Variants in INPP4A observed in about 807,000 individuals in gnomAD.
The protein encoded by INPP4A is inositol polyphosphate-4-phosphatase type I A, also known as inositol polyphosphate-4-phosphatase, type I, 107kD.
INPP4A carries 33 observed loss-of-function variants against 119.8 expected under a neutral mutation model. The observed-to-expected ratio is 0.28, with a 90% CI of 0.21 to 0.37. The LOEUF is 0.37. INPP4A is among the 10% of genes least tolerant of loss of function. INPP4A has a pLI of 1.00. For missense variants in INPP4A, 956 were observed against 1,289.9 expected (o/e 0.74, Z 3.97); for synonymous variants, 496 against 500.7 (o/e 0.99, Z 0.12).
rs1446654378 is a variant in INPP4A, at chr2:98,546,737, G to C, written c.1163+43G>C. Reference sequence around the variant, plus strand: ...GTTTGTGGTCCTTGTACAGCTTTCTGATGCTTCTTTTCTCAGTTTAAAATA... The same window carrying C: ...GTTTGTGGTCCTTGTACAGCTTTCTCATGCTTCTTTTCTCAGTTTAAAATA... On this transcript the variant is annotated intron_variant, in intron 13 of 24. Coordinates refer to ENST00000409851, the MANE Select transcript of INPP4A (RefSeq NM_001134225.2). This position sits in a 1 kb window ranked among gnomAD's most constrained non-coding sequence, Gnocchi z 4.2. The C allele has an allele frequency of 8.6e-7, 1 of 1,166,174 alleles. No individual in the cohort carries two copies. The highest frequency in any genetic ancestry group is 1.8e-5 in the Admixed American group (1 of 56,052). The allele number at this position is 1,166,174 out of a possible 1,614,324, so 72.2% of individuals were successfully genotyped here. A position where few individuals can be genotyped will look rare whatever the true frequency, so the allele number is the denominator to read the frequency against.
rs1291544991 is a variant in INPP4A, at chr2:98,592,586, A to G, written c.*4978A>G. The G allele has an allele frequency of 6.6e-6, 1 of 152,248 alleles. No individual in the cohort carries two copies. Among genetic ancestry groups the G allele is most frequent in the Admixed American group, 6.5e-5 (1 of 15,284 alleles). The allele number at this position is 152,248 out of a possible 1,614,324, so 9.4% of individuals were successfully genotyped here. ...TCAGGAAGACAGAAAAAAAAGCAAAATAGCATCCTTTTCTGAGAGGTATAT... is the reference window on the plus strand; with the variant it reads ...TCAGGAAGACAGAAAAAAAAGCAAAGTAGCATCCTTTTCTGAGAGGTATAT... On this transcript the variant is annotated 3_prime_UTR_variant, in exon 25 of 25. Coordinates refer to ENST00000409851, the MANE Select transcript of INPP4A (RefSeq NM_001134225.2).
At chr2:98,544,473 A>G (rs1385178772) in intron 11 of INPP4A, among the ~76,000 whole-genome samples, 1 of 152,234 alleles carries the variant, frequency 6.6e-6, no homozygotes, top group African/African-American at 2.4e-5. Context: ...TATTAAACAT[A>G]TGAATTGTTA....
intron 24 of INPP4A, chr2:98,581,931 A>T: frequency 9.5e-7 from 1 of 1,057,864 alleles, no homozygotes; most frequent in Non-Finnish European, 1.3e-6. Context: ...CTGCCAAATT[A>T]TTTCACCAAG....
At chr2:98,473,131 G>A (rs1454989027) in intron 1 of INPP4A, among the ~76,000 whole-genome samples, 1 of 150,226 alleles carries the variant, frequency 6.7e-6, no homozygotes, top group Admixed American at 6.6e-5. Flanking sequence ...GGCAGTGTGG[G>A]TGCAGTGAAG....
chr2:98,451,030 C>A (rs1005726629), intron 1 of INPP4A, among the ~76,000 whole-genome samples: 1 of 152,206 alleles, frequency 6.6e-6, no homozygotes, highest in Non-Finnish European at 1.5e-5. Context: ...CTCTGCCCCC[C>A]AAAGTGCTGG....
intron 1 of INPP4A, among the ~76,000 whole-genome samples, chr2:98,485,412 G>T (rs990360790): frequency 6.6e-6 from 1 of 152,124 alleles, no homozygotes; most frequent in Non-Finnish European, 1.5e-5. Context: ...ATCTGTGGGG[G>T]GTGGGGTTTC....
chr2:98,544,405 G>A (rs927907709), intron 11 of INPP4A, among the ~76,000 whole-genome samples: 14 of 152,146 alleles, frequency 9.2e-5, no homozygotes, highest in African/African-American at 3.1e-4. Flanking sequence ...TAGGCCACTC[G>A]CCTTGAAACA....
At chr2:98,465,834 C>A (rs187199534) in intron 1 of INPP4A, among the ~76,000 whole-genome samples, 1 of 152,080 alleles carries the variant, frequency 6.6e-6, no homozygotes, top group African/African-American at 2.4e-5. Context: ...TTTTTCCTCC[C>A]GGCTCCACCC....
At chr2:98,575,285 G>A (rs537277733) in intron 23 of INPP4A, among the ~76,000 whole-genome samples, 5 of 152,368 alleles carry the variant, frequency 3.3e-5, no homozygotes, top group African/African-American at 1.2e-4. Context: ...GGGCAAGGAT[G>A]CATCACTGGC....
At chr2:98,445,507 ACT>A (rs1039225083) in intron 1 of INPP4A, among the ~76,000 whole-genome samples, 1 of 151,758 alleles carries the variant, frequency 6.6e-6, no homozygotes. Flanking sequence ...CATCCTCGAA[ACT>A]CTTCCATTTT....
intron 1 of INPP4A, among the ~76,000 whole-genome samples, chr2:98,497,728 G>A (rs1028968461): frequency 6.6e-6 from 1 of 152,158 alleles, no homozygotes; most frequent in Non-Finnish European, 1.5e-5. Flanking sequence ...GCTTTGCTGT[G>A]CAGAAGCTTG....
At chr2:98,507,345 A>T (rs1339971904) in intron 1 of INPP4A, among the ~76,000 whole-genome samples, 1 of 152,206 alleles carries the variant, frequency 6.6e-6, no homozygotes, top group Non-Finnish European at 1.5e-5. Context: ...TTTATGACTA[A>T]TTATGTGTTT....
At chr2:98,491,892 G>A (rs1365233725) in intron 1 of INPP4A, among the ~76,000 whole-genome samples, 1 of 140,396 alleles carries the variant, frequency 7.1e-6, no homozygotes, top group Non-Finnish European at 1.6e-5. Flanking sequence ...TATGTCACAA[G>A]TGCATTTTTT....
intron 24 of INPP4A, among the ~76,000 whole-genome samples, chr2:98,586,204 G>A (rs1320947332): frequency 6.6e-6 from 1 of 152,126 alleles, no homozygotes; most frequent in East Asian, 1.9e-4. Context: ...ACAACAACCA[G>A]GTGGATACTT....
In INPP4A at chr2:98,455,363, C is replaced by A. The variant is rs532027839; in HGVS notation, c.-166+10278C>A. Among the ~76,000 whole-genome samples the A allele has an allele frequency of 5.9e-5, 9 of 151,962 alleles. No homozygotes were observed. The South Asian group carries it at 1.7e-3, about 28-fold the overall frequency. ...TACAAAAAAAGAAAAAAAAAAGATA[C>A]CCCAGAATCTTCCAAATATTGTCAT... On this transcript the variant is annotated intron_variant, in intron 1 of 24. Transcript: ENST00000409851.
At chr2:98,541,608 G>C (rs896961051) in intron 10 of INPP4A, among the ~76,000 whole-genome samples, 2 of 152,124 alleles carry the variant, frequency 1.3e-5, no homozygotes, top group African/African-American at 2.4e-5. Context: ...TTGAGACAGG[G>C]TATTGCTCTG....
chr2:98,573,699 G>T (rs1309373434), intron 23 of INPP4A, among the ~76,000 whole-genome samples: 1 of 152,202 alleles, frequency 6.6e-6, no homozygotes, highest in African/African-American at 2.4e-5. Context: ...TCTCCGTCTT[G>T]TCAGGAAGGT....
chr2:98,474,543 G>A (rs1676811684), intron 1 of INPP4A, among the ~76,000 whole-genome samples: 1 of 152,190 alleles, frequency 6.6e-6, no homozygotes, highest in Non-Finnish European at 1.5e-5. Context: ...CAGGTGAATG[G>A]CCTGCCCGGG....
At chr2:98,448,171 C>A (rs1259963850) in intron 1 of INPP4A, among the ~76,000 whole-genome samples, 1 of 150,862 alleles carries the variant, frequency 6.6e-6, no homozygotes, top group Non-Finnish European at 1.5e-5. Flanking sequence ...GCCTGGCCAA[C>A]ATGATGAAAT....
Sources: gnomAD v4.1 joint callset for allele counts (sites outside exome capture counted in the v4.1 genomes callset) on GRCh38, gnomAD v4.1.1 for gene constraint, Gnocchi (gnomAD v3.1) non-coding constraint, MANE v1.5 for transcripts, NCBI Gene and HGNC (gene_info 2026-07-23, HGNC 2026-07-21) for gene names.